WNT3A: variants seen among roughly 807,000 people sequenced by gnomAD.
WNT3A encodes the protein protein Wnt-3a.
Under a neutral mutation model 37.0 loss-of-function variants are expected in WNT3A, and 17 were observed. The ratio of observed to expected loss-of-function variants is 0.46; its 90% CI spans 0.31 to 0.69. The LOEUF is 0.69. Among genes scored for constraint, WNT3A ranks in the 30% least tolerant of loss-of-function variants. The pLI is 0.05. For synonymous variants in WNT3A, 187 were observed against 211.0 expected (o/e 0.89, Z 0.99); for missense variants, 411 against 510.2 (o/e 0.81, Z 1.87).
At chr1:228,017,131 G>A (rs1188433481) in intron 1 of WNT3A, among the ~76,000 whole-genome samples, 3 of 152,322 alleles carry the variant, frequency 2.0e-5, no homozygotes, top group South Asian at 2.1e-4. Flanking sequence ...CTGTGGCAAA[G>A]CTCCATTCCC....
At chr1:228,010,593 C>A (rs1461145335) in intron 1 of WNT3A, among the ~76,000 whole-genome samples, 3 of 152,210 alleles carry the variant, frequency 2.0e-5, no homozygotes, top group African/African-American at 7.2e-5. Flanking sequence ...GCCCTGCTCT[C>A]CCTCTCAGGC....
chr1:228,020,731 C>G (rs1250262767), intron 1 of WNT3A, among the ~76,000 whole-genome samples: 2 of 152,258 alleles, frequency 1.3e-5, no homozygotes, highest in Non-Finnish European at 2.9e-5. Context: ...ACAAGGGAGC[C>G]GACTGTGCAA....
rs2031751953 is a variant in WNT3A at position 228,059,518 on chromosome 1, T to G, written c.*53T>G. ...GGCGGGCCCTGCCTGAGGGTGGGCTTTTCCCTGGGTGGAGCAGGACTCCCA... is the reference window on the plus strand; with the variant it reads ...GGCGGGCCCTGCCTGAGGGTGGGCTGTTCCCTGGGTGGAGCAGGACTCCCA... On this transcript the variant is annotated 3_prime_UTR_variant, in exon 4 of 4. Transcript: ENST00000284523. 6.9e-7 allele frequency: 1 copy of G among 1,455,548 alleles called. No individual in the cohort carries two copies. Among genetic ancestry groups the G allele is most frequent in the African/African-American group, 1.4e-5 (1 of 69,976 alleles). 90.2% of individuals were successfully genotyped at this position (1,455,548 alleles called of 1,614,324 possible).
intron 1 of WNT3A, among the ~76,000 whole-genome samples, chr1:228,021,253 C>T (rs558655953): frequency 6.6e-6 from 1 of 152,180 alleles, no homozygotes; most frequent in South Asian, 2.1e-4. Flanking sequence ...CACCGAAGGG[C>T]TGAGTTTTAC....
Position 228,037,920 on chromosome 1 carries a change from T to C in WNT3A, c.314-12736T>C, listed in dbSNP as rs2031183505. Among the ~76,000 whole-genome samples the C allele has an allele frequency of 6.6e-6, 1 of 152,136 alleles. No individual in the cohort carries two copies. Among genetic ancestry groups the C allele is most frequent in the Non-Finnish European group, 1.5e-5 (1 of 67,998 alleles). The stretch of plus-strand genomic sequence containing the variant: ...GACGGCCTGGCGCGCGGCGCATACT[T>C]CCAGGTTGCTATGACTGGCCTGCGC... On this transcript the variant is annotated intron_variant, in intron 2 of 3. Coordinates refer to ENST00000284523, the MANE Select transcript of WNT3A (RefSeq NM_033131.4). This position sits in a 1 kb window ranked among gnomAD's most constrained non-coding sequence, Gnocchi z 4.1.
In WNT3A at chr1:228,038,068, C is replaced by T. The variant is rs1039638368; in HGVS notation, c.314-12588C>T. ...CGCCCCAGCGGGTCAGCACGGCGCC[C>T]GGCCGCGCGGGCCGCCCGGCGGTGT... is the stretch of plus-strand genomic sequence containing the variant. On this transcript the variant is annotated intron_variant, in intron 2 of 3. Transcript: ENST00000284523. This position sits in a 1 kb window ranked among gnomAD's most constrained non-coding sequence, Gnocchi z 5.7. Among the ~76,000 whole-genome samples, 2 of 151,994 alleles carry T rather than the reference C, an allele frequency of 1.3e-5. No homozygotes were observed. Among genetic ancestry groups the T allele is most frequent in the African/African-American group, 4.8e-5 (2 of 41,426 alleles).
At chr1:228,019,960 T>C (rs2030655747) in intron 1 of WNT3A, among the ~76,000 whole-genome samples, 2 of 152,200 alleles carry the variant, frequency 1.3e-5, no homozygotes. Context: ...GCACGGTGGC[T>C]CATGCCTATA....
intron 1 of WNT3A, among the ~76,000 whole-genome samples, chr1:228,009,067 C>A (rs1402943818): frequency 6.6e-6 from 1 of 152,154 alleles, no homozygotes; most frequent in East Asian, 1.9e-4. Flanking sequence ...GGGCATAGAA[C>A]CCCACCTGAC....
At chr1:228,052,407 G>A (rs959237559) in intron 3 of WNT3A, among the ~76,000 whole-genome samples, 2 of 152,202 alleles carry the variant, frequency 1.3e-5, no homozygotes, top group African/African-American at 4.8e-5. Flanking sequence ...GCCTCCCAAA[G>A]TGCTGTGATT....
Position 228,050,915 on chromosome 1 carries a change from G to A in WNT3A, c.573G>A (p.Gly191=), listed in dbSNP as rs2031537682. The change falls in exon 3 of 4, where the codon GGG becomes GGA. Residue 191 remains glycine, a synonymous_variant. Transcript: ENST00000284523. The surrounding 1 kb of genome is among the most constrained non-coding windows in gnomAD (Gnocchi z 5.0). ...TGAACCGCCACAACAACGAGGCTGG[G>A]CGCCAGGTAGGTTCGCCGCCCGCAA... ...SAMNRHNNEA[G]RQAIASHMHL... is the part of the protein sequence containing the mutation. The A allele has an allele frequency of 6.5e-7, 1 of 1,537,754 alleles. No individual in the cohort carries two copies. The highest frequency in any genetic ancestry group is 8.8e-7 in the Non-Finnish European group (1 of 1,141,204).
chr1:228,015,049 A>T (rs2030485892), intron 1 of WNT3A, among the ~76,000 whole-genome samples: 1 of 152,280 alleles, frequency 6.6e-6, no homozygotes, highest in Non-Finnish European at 1.5e-5. Flanking sequence ...TAACAGCATT[A>T]GTGAAAATCT....
At chr1:228,027,245 A>G (rs947351596) in intron 2 of WNT3A, among the ~76,000 whole-genome samples, 3 of 152,240 alleles carry the variant, frequency 2.0e-5, no homozygotes, top group Non-Finnish European at 4.4e-5. Context: ...ATATGTGTGC[A>G]AGTGTCTTCT....
At position 228,007,070 on chromosome 1, in the gene WNT3A, C is replaced by G; in HGVS notation, c.-59C>G. ...CGCGCCAGCTCCCAGGGCCCGGCCC[C>G]CCCCGGCGCTCACGCTCTCGGGGCG... On this transcript the variant is annotated 5_prime_UTR_variant, in exon 1 of 4. Coordinates refer to ENST00000284523, the MANE Select transcript of WNT3A (RefSeq NM_033131.4). This position sits in a 1 kb window ranked among gnomAD's most constrained non-coding sequence, Gnocchi z 6.0. 2.2e-6 allele frequency: 3 copies of G among 1,375,604 alleles called. No individual in the cohort carries two copies. Among genetic ancestry groups the G allele is most frequent in the Non-Finnish European group, 1.9e-6 (2 of 1,033,764 alleles). The allele number at this position is 1,375,604 out of a possible 1,614,324, so 85.2% of individuals were successfully genotyped here.
chr1:228,027,805 T>C (rs78468693), intron 2 of WNT3A, among the ~76,000 whole-genome samples: 9,021 of 152,292 alleles, frequency 0.059, 391 homozygotes, highest in Non-Finnish European at 0.094. Flanking sequence ...ATTTTTGTTT[T>C]TGTTGCATTT....
intron 3 of WNT3A, among the ~76,000 whole-genome samples, chr1:228,055,169 AAAAAAAAAAAATATATAT>A (rs1238699487): frequency 1.4e-5 from 1 of 70,530 alleles, no homozygotes; most frequent in South Asian, 5.5e-4. Context: ...AAAAAAAAAA[AAAAAAAAAAAATATATAT>A]ATATATATAT....
At chr1:228,053,247 G>A (rs1475704775) in intron 3 of WNT3A, among the ~76,000 whole-genome samples, 1 of 152,108 alleles carries the variant, frequency 6.6e-6, no homozygotes, top group South Asian at 2.1e-4. Flanking sequence ...CAGGTGTTAC[G>A]TTGTAGCAAT....
rs2031191939 is a variant in WNT3A, at chr1:228,038,311, C to T, written c.314-12345C>T. Among the ~76,000 whole-genome samples, 1 of 152,188 alleles carries T rather than the reference C, an allele frequency of 6.6e-6. No individual in the cohort carries two copies. Among genetic ancestry groups the T allele is most frequent in the African/African-American group, 2.4e-5 (1 of 41,456 alleles). On this transcript the variant is annotated intron_variant, in intron 2 of 3. Coordinates refer to ENST00000284523, the MANE Select transcript of WNT3A (RefSeq NM_033131.4). The surrounding 1 kb of genome is among the most constrained non-coding windows in gnomAD (Gnocchi z 5.7). ...GCTCCGGCGGGGACCGGGGCGCGGG[C>T]TGAGTCCCCCTGTGTGCCCCACAGC... is the stretch of plus-strand genomic sequence containing the variant.
In WNT3A at chr1:228,037,024, G is replaced by T. The variant is rs1023949916; in HGVS notation, c.314-13632G>T. 6.6e-6 allele frequency among the ~76,000 whole-genome samples: 1 copy of T among 152,134 alleles called. No individual in the cohort carries two copies. Among genetic ancestry groups the T allele is most frequent in the African/African-American group, 2.4e-5 (1 of 41,432 alleles). On this transcript the variant is annotated intron_variant, in intron 2 of 3. Coordinates refer to ENST00000284523, the MANE Select transcript of WNT3A (RefSeq NM_033131.4). The surrounding 1 kb of genome is among the most constrained non-coding windows in gnomAD (Gnocchi z 4.1). The stretch of plus-strand genomic sequence containing the variant: ...TGGGCTGGGCCCAGGAGTCCCCCCG[G>T]GCCCTGGCACCTGCCAGATAGGTCG...
chr1:228,011,560 G>T (rs770695972), intron 1 of WNT3A, among the ~76,000 whole-genome samples: 2 of 151,618 alleles, frequency 1.3e-5, no homozygotes, highest in African/African-American at 4.8e-5. Flanking sequence ...GTCTCTGCCC[G>T]TCTCTGTCTC....
Sources: allele counts gnomAD v4.1 joint callset (sites outside exome capture counted in the v4.1 genomes callset), GRCh38; gene constraint gnomAD v4.1.1; non-coding constraint Gnocchi (gnomAD v3.1); transcripts MANE v1.5; gene names NCBI Gene and HGNC (gene_info 2026-07-23, HGNC 2026-07-21).